The following COA1 variants were observed in gnomAD, a reference collection of about 807,000 sequenced individuals.
The protein encoded by COA1 is cytochrome c oxidase assembly factor 1, also known as cytochrome c oxidase assembly factor 1 homolog.
Under a neutral mutation model 16.0 loss-of-function variants are expected in COA1, and 13 were observed. That is an observed-to-expected ratio of 0.81 (90% CI 0.53 to 1.29). The LOEUF is 1.29. Among genes scored for constraint, COA1 ranks in the 50% most tolerant of loss-of-function variants. COA1 has a pLI of 0.00. For synonymous variants in COA1, 65 were observed against 65.7 expected (o/e 0.99, Z 0.05); for missense variants, 179 against 177.0 (o/e 1.01, Z -0.06).
chr7:43,653,831 A>C (rs2091290448), intron 1 of COA1, among the ~76,000 whole-genome samples: 1 of 152,092 alleles, frequency 6.6e-6, no homozygotes, highest in African/African-American at 2.4e-5. Context: ...TCCCTGTGCC[A>C]ATGGGAAGGA....
chr7:43,647,241 C>A, intron 3 of COA1: 1 of 455,778 alleles, frequency 2.2e-6, no homozygotes, highest in Non-Finnish European at 3.9e-6. Context: ...TTTATATAAT[C>A]TCAGAATCTT....
At chr7:43,673,894 C>A (rs369118824) in intron 1 of COA1, among the ~76,000 whole-genome samples, 2 of 152,256 alleles carry the variant, frequency 1.3e-5, no homozygotes, top group South Asian at 2.1e-4. Context: ...AACACAGGAA[C>A]AGGAAACCAA....
downstream of COA1, among the ~76,000 whole-genome samples, chr7:43,637,777 T>C (rs182359728): frequency 6.6e-6 from 1 of 152,366 alleles, no homozygotes; most frequent in East Asian, 1.9e-4. Flanking sequence ...TAATACTATT[T>C]CCTATCAGGT....
chr7:43,616,845 C>T (rs2083398984), intron 6 of COA1, among the ~76,000 whole-genome samples: 1 of 152,042 alleles, frequency 6.6e-6, no homozygotes, highest in Admixed American at 6.6e-5. Context: ...TGCAGTAAGC[C>T]GAGATCGCGC....
At chr7:43,718,195 T>C (rs898475983) in intron 1 of COA1, among the ~76,000 whole-genome samples, 14 of 152,248 alleles carry the variant, frequency 9.2e-5, no homozygotes, top group African/African-American at 3.1e-4. Flanking sequence ...TGCATACAAA[T>C]GTATTATTAT....
chr7:43,717,618 G>T (rs998801334), intron 1 of COA1, among the ~76,000 whole-genome samples: 2 of 152,126 alleles, frequency 1.3e-5, no homozygotes, highest in Non-Finnish European at 2.9e-5. Context: ...ATGCTGAAAT[G>T]AGTTAAGATT....
chr7:43,723,414 T>C lies in COA1; in HGVS notation c.-39+6015A>G, dbSNP rs143079721. Among the ~76,000 whole-genome samples, 14 of 152,246 alleles carry C rather than the reference T, an allele frequency of 9.2e-5. No individual in the cohort carries two copies. The East Asian group carries it at 1.5e-3, about 17-fold the overall frequency. ...ATCTCCTAATCTTCAACTAATGACATGGTTATATTTGCATTGAGGGAGGTA... is the reference window on the plus strand; with the variant it reads ...ATCTCCTAATCTTCAACTAATGACACGGTTATATTTGCATTGAGGGAGGTA... On this transcript the variant is annotated intron_variant, in intron 1 of 5. Coordinates refer to ENST00000223336, the MANE Select transcript of COA1 (RefSeq NM_018224.4).
chr7:43,661,734 TCCTTGTACCTCTGGAGGG>T (rs1164018993), intron 1 of COA1, among the ~76,000 whole-genome samples: 4 of 152,034 alleles, frequency 2.6e-5, no homozygotes, highest in Admixed American at 2.6e-4. Context: ...TGGAGTGTGG[TCCTTGTACCTCTGGAGGG>T]CCTTGAGACC....
At chr7:43,635,031 A>G (rs2085627870), downstream of COA1, among the ~76,000 whole-genome samples, 1 of 152,184 alleles carries the variant, frequency 6.6e-6, no homozygotes, top group South Asian at 2.1e-4. Context: ...AATAGCGAGA[A>G]GTGTGTCTAC....
At chr7:43,702,340 T>C (rs912631288) in intron 1 of COA1, among the ~76,000 whole-genome samples, 1 of 152,178 alleles carries the variant, frequency 6.6e-6, no homozygotes. Flanking sequence ...GCACTATCTA[T>C]TGAATAGGGG....
chr7:43,649,467 T>G (rs2090316524), intron 1 of COA1: 1 of 152,274 alleles, frequency 6.6e-6, no homozygotes, highest in Non-Finnish European at 1.5e-5. Flanking sequence ...TTGGCAGGCA[T>G]GCCTTTCCTG....
chr7:43,699,043 T>G (rs895387698), intron 1 of COA1, among the ~76,000 whole-genome samples: 21 of 152,180 alleles, frequency 1.4e-4, no homozygotes, highest in African/African-American at 5.1e-4. Flanking sequence ...AAGTGACATC[T>G]AGGGCTTGGG....
intron 1 of COA1, among the ~76,000 whole-genome samples, chr7:43,684,436 T>C (rs1282386497): frequency 6.6e-6 from 1 of 152,128 alleles, no homozygotes; most frequent in Non-Finnish European, 1.5e-5. Flanking sequence ...CCAAGCATCA[T>C]ACATGGCAGC....
intron 1 of COA1, among the ~76,000 whole-genome samples, chr7:43,684,519 C>T (rs987201652): frequency 6.6e-6 from 1 of 152,176 alleles, no homozygotes; most frequent in African/African-American, 2.4e-5. Context: ...TAGCCTCAGT[C>T]ATCGTGCATT....
intron 6 of COA1, among the ~76,000 whole-genome samples, chr7:43,627,159 GTTGT>G (rs1459990367): frequency 3.3e-5 from 5 of 152,272 alleles, no homozygotes; most frequent in African/African-American, 1.2e-4. Flanking sequence ...GTGGTGAAAC[GTTGT>G]TTATGAAATG....
chr7:43,686,807 C>T (rs1427916968), intron 1 of COA1, among the ~76,000 whole-genome samples: 2 of 152,066 alleles, frequency 1.3e-5, no homozygotes, highest in South Asian at 2.1e-4. Context: ...TTGTTTTCAA[C>T]GAGAAAAAGG....
At chr7:43,724,929 T>C (rs1008035182) in intron 1 of COA1, among the ~76,000 whole-genome samples, 1 of 152,144 alleles carries the variant, frequency 6.6e-6, no homozygotes, top group Non-Finnish European at 1.5e-5. Flanking sequence ...ATTTAATGGG[T>C]GCAGTGTGTG....
intron 1 of COA1, among the ~76,000 whole-genome samples, chr7:43,716,769 G>A (rs999320065): frequency 6.6e-6 from 1 of 152,144 alleles, no homozygotes; most frequent in African/African-American, 2.4e-5. Flanking sequence ...ATCACAGGAC[G>A]AGAGGCCCAG....
At chr7:43,620,692 A>T (rs2083799342) in intron 6 of COA1, among the ~76,000 whole-genome samples, 1 of 150,482 alleles carries the variant, frequency 6.6e-6, no homozygotes, top group Admixed American at 6.6e-5. Context: ...AAAAAAGAAT[A>T]TTAATATTTA....
Sources: allele counts gnomAD v4.1 joint callset (sites outside exome capture counted in the v4.1 genomes callset), GRCh38; gene constraint gnomAD v4.1.1; transcripts MANE v1.5; gene names NCBI Gene and HGNC (gene_info 2026-07-23, HGNC 2026-07-21).